SAA2: variants seen among roughly 807,000 people sequenced by gnomAD.
SAA2 encodes the protein serum amyloid A-2 protein.
A neutral mutation model predicts 9.1 loss-of-function variants in SAA2; 5 were observed. The observed-to-expected ratio is 0.55, with a 90% CI of 0.29 to 1.16. SAA2 has a LOEUF of 1.16. Among genes scored for constraint, SAA2 ranks in the 50% most tolerant of loss-of-function variants. SAA2 has a pLI of 0.09. For synonymous variants in SAA2, 49 were observed against 59.8 expected (o/e 0.82, Z 0.83); for missense variants, 94 against 153.8 (o/e 0.61, Z 2.06).
At position 18,245,244 on chromosome 11, in the gene SAA2, A is replaced by G; in HGVS notation, c.*133T>C. On this transcript the variant is annotated 3_prime_UTR_variant, in exon 4 of 4. Transcript: ENST00000256733. ...AGAACACACTGTTTCAACAAATTCC[A>G]CCTCTTAAGCATTTATTAGATGCCT... 2 of 1,480,262 alleles carry G rather than the reference A, an allele frequency of 1.4e-6. No homozygotes were observed. Among genetic ancestry groups the G allele is most frequent in the Non-Finnish European group, 1.8e-6 (2 of 1,114,758 alleles). 91.7% of individuals were successfully genotyped at this position (1,480,262 alleles called of 1,614,324 possible).
Position 18,245,532 on chromosome 11 carries a change from C to T in SAA2, c.231-17G>A. 6.2e-7 allele frequency: 1 copy of T among 1,613,658 alleles called. No individual in the cohort carries two copies. Among genetic ancestry groups the T allele is most frequent in the South Asian group, 1.1e-5 (1 of 91,056 alleles). On this transcript the variant is annotated splice_polypyrimidine_tract_variant and intron_variant, in intron 3 of 3. Transcript: ENST00000256733. ...CTGGCATTGCTGTAGTCCAGGCAGG[C>T]AAGAAGGAGATTAATCATCAGGCCA...
chr11:18,240,006 A>G (rs978744888), intron 3 of SAA2: 4 of 1,550,062 alleles, frequency 2.6e-6, no homozygotes, highest in African/African-American at 2.7e-5. Flanking sequence ...AAAGTCATAT[A>G]CACGTATTTT....
downstream of SAA2, among the ~76,000 whole-genome samples, chr11:18,239,009 A>G (rs573948547): frequency 6.6e-6 from 1 of 152,196 alleles, no homozygotes; most frequent in South Asian, 2.1e-4. Flanking sequence ...TTTGGGCTAT[A>G]AAAGAATTTT....
Position 18,245,380 on chromosome 11 carries a change from G to A in SAA2, c.366C>T (p.Tyr122=). ...HFRPAGLPEK[Y] ...GAGAGCAGAGTGAAGAGGAAGCTCA[G>A]TATTTCTCAGGCAGGCCAGCAGGTC... is the stretch of plus-strand genomic sequence containing the variant. Residue 122 remains tyrosine (Y), a synonymous_variant, in exon 4 of 4, where the codon TAC becomes TAT. Coordinates refer to ENST00000256733, the MANE Select transcript of SAA2 (RefSeq NM_030754.5). 2 of 1,614,194 alleles carry A rather than the reference G, an allele frequency of 1.2e-6. No homozygotes were observed. The highest frequency in any genetic ancestry group is 1.7e-6 in the Non-Finnish European group (2 of 1,180,040).
At chr11:18,238,547 G>A (rs1857258721), downstream of SAA2, among the ~76,000 whole-genome samples, 1 of 152,004 alleles carries the variant, frequency 6.6e-6, no homozygotes, top group Admixed American at 6.5e-5. Context: ...CATAGTAGGT[G>A]TATATAATTA....
At chr11:18,247,489 A>AAGTG (rs1857608178) in intron 2 of SAA2, among the ~76,000 whole-genome samples, 1 of 139,004 alleles carries the variant, frequency 7.2e-6, no homozygotes, top group African/African-American at 2.8e-5. Flanking sequence ...TTCTCTGAGT[A>AAGTG]ACTGACAACA....
In SAA2 at chr11:18,245,290, TTCTCTG is replaced by T; in HGVS notation, c.*81_*86del. 1 of 1,571,100 alleles carries T rather than the reference TTCTCTG, an allele frequency of 6.4e-7. No homozygotes were observed. The highest frequency in any genetic ancestry group is 8.6e-7 in the Non-Finnish European group (1 of 1,157,388). On this transcript the variant is annotated 3_prime_UTR_variant, in exon 4 of 4. Coordinates refer to ENST00000256733, the MANE Select transcript of SAA2 (RefSeq NM_030754.5). Reference sequence around the variant, plus strand: ...TGCCTATTATATGCCATATCTCAGCTTCTCTGGACATAGACCTCACTAACTTTGTAT... The same window carrying T: ...TGCCTATTATATGCCATATCTCAGCTGACATAGACCTCACTAACTTTGTAT...
At chr11:18,246,813 G>T (rs1857566203) in intron 2 of SAA2, among the ~76,000 whole-genome samples, 1 of 152,202 alleles carries the variant, frequency 6.6e-6, no homozygotes, top group African/African-American at 2.4e-5. Context: ...AATTACAGGC[G>T]TGAGCCTTGG....
chr11:18,240,118 T>C (rs1857302372), intron 3 of SAA2: 1 of 1,124,980 alleles, frequency 8.9e-7, no homozygotes, highest in Non-Finnish European at 1.3e-6. Context: ...AGATGGGGAA[T>C]GTACACAAAT....
downstream of SAA2, among the ~76,000 whole-genome samples, chr11:18,244,704 C>G (rs1001458594): frequency 6.6e-6 from 1 of 152,146 alleles, no homozygotes; most frequent in African/African-American, 2.4e-5. Flanking sequence ...TCCAGAAACT[C>G]AGAAAACATT....
At chr11:18,245,190 G>A, downstream of SAA2, 1 of 1,376,236 alleles carries the variant, frequency 7.3e-7, no homozygotes, top group Non-Finnish European at 9.6e-7. Flanking sequence ...TTTCCCTTTT[G>A]TACCAAACAG....
At chr11:18,245,618 A>G in intron 3 of SAA2, 103 bp from the exon 4 acceptor site, 1 of 1,488,940 alleles carries the variant, frequency 6.7e-7, no homozygotes, top group Non-Finnish European at 9.2e-7. Context: ...AGAGGAGCCC[A>G]GAAAGGCCAA....
chr11:18,248,231 T>C (rs374511753), intron 1 of SAA2, among the ~76,000 whole-genome samples: 6,069 of 89,054 alleles, frequency 0.068, 697 homozygotes, highest in Middle Eastern at 0.25. Flanking sequence ...AGGATGCCAA[T>C]GTGGCACTGA....
rs768460774 is a variant in SAA2 at position 18,245,424 on chromosome 11, TG to T, written c.321del (p.Arg108GlufsTer38). ...GCAGGTCGGAAGTGATTGGGGTCTC[TG>T]CCACTCCTGCCCCATTTATTGGCAG... is the stretch of plus-strand genomic sequence containing the variant. ...DQAANKWGRS[G>X]RDPNHFRPAG... On this transcript the variant is annotated frameshift_variant, in exon 4 of 4. Coordinates refer to ENST00000256733, the MANE Select transcript of SAA2 (RefSeq NM_030754.5). LOFTEE classifies it high-confidence loss of function. The T allele has an allele frequency of 5.0e-6, 8 of 1,614,248 alleles. 1 individual carries two copies. In the East Asian group the frequency reaches 1.8e-4, roughly 36 times the overall value.
downstream of SAA2, among the ~76,000 whole-genome samples, chr11:18,240,506 G>A (rs962839078): frequency 1.3e-5 from 2 of 152,074 alleles, no homozygotes; most frequent in African/African-American, 4.8e-5. Flanking sequence ...AATAAATGTT[G>A]ATGGTACTGG....
In SAA2 at chr11:18,245,651, A is replaced by G; in HGVS notation, c.231-136T>C. On this transcript the variant is annotated intron_variant, in intron 3 of 3. Coordinates refer to ENST00000256733, the MANE Select transcript of SAA2 (RefSeq NM_030754.5). ...CAAGGAAGGAGGAGTGAAAACACTG[A>G]CCCTGCCTGGGCACTGCCCCATTCA... The G allele has an allele frequency of 5.0e-6, 7 of 1,391,592 alleles. No individual in the cohort carries two copies. The South Asian group carries it at 5.6e-5, about 11-fold the overall frequency. The allele number at this position is 1,391,592 out of a possible 1,614,324, so 86.2% of individuals were successfully genotyped here. A position where few individuals can be genotyped will look rare whatever the true frequency, so the allele number is the denominator to read the frequency against.
In SAA2 at chr11:18,245,481, G is replaced by A. The variant is rs1266194288; in HGVS notation, c.265C>T (p.Arg89Cys). The A allele has an allele frequency of 1.2e-6, 2 of 1,614,098 alleles. No homozygotes were observed. The highest frequency in any genetic ancestry group is 2.7e-5 in the African/African-American group (2 of 75,024). The change falls in exon 4 of 4, where the codon CGT becomes TGT. Residue 89 changes from arginine (R) to cysteine (C), a missense_variant. By Grantham distance (180) the Arg-to-Cys change is radical. Coordinates refer to ENST00000256733, the MANE Select transcript of SAA2 (RefSeq NM_030754.5). Reference protein sequence around the residue: ...ARENIQRLTGRGAEDSLADQA... With the variant: ...ARENIQRLTGCGAEDSLADQA... Reference sequence around the variant, plus strand: ...TCGGCCAGCGAGTCCTCCGCACCACGGCCTGTGAGTCTCTGGATATTCTCT... The same window carrying A: ...TCGGCCAGCGAGTCCTCCGCACCACAGCCTGTGAGTCTCTGGATATTCTCT...
chr11:18,243,356 G>A (rs950695950), downstream of SAA2, among the ~76,000 whole-genome samples: 2 of 151,694 alleles, frequency 1.3e-5, no homozygotes, highest in African/African-American at 2.4e-5. Context: ...TCTCCCTCCT[G>A]CCCCCCAAAA....
At chr11:18,247,144 G>C (rs1436672614) in intron 2 of SAA2, among the ~76,000 whole-genome samples, 1 of 152,276 alleles carries the variant, frequency 6.6e-6, no homozygotes, top group African/African-American at 2.4e-5. Flanking sequence ...CTGCCTCACA[G>C]AGTCATTCTG....
Sources: allele counts gnomAD v4.1 joint callset (sites outside exome capture counted in the v4.1 genomes callset), GRCh38; gene constraint gnomAD v4.1.1; transcripts MANE v1.5; gene names NCBI Gene and HGNC (gene_info 2026-07-23, HGNC 2026-07-21).